The following PID1 variants were observed in gnomAD, a reference collection of about 807,000 sequenced individuals.
PID1 encodes the protein phosphotyrosine interaction domain containing 1.
A neutral mutation model predicts 19.1 loss-of-function variants in PID1; 10 were observed. That is an observed-to-expected ratio of 0.52 (90% CI 0.32 to 0.89). PID1 has a LOEUF of 0.89. Ranked by LOEUF, PID1 falls within the 40% of genes least tolerant of loss-of-function variation. PID1 has a pLI of 0.03. For missense variants in PID1, 248 were observed against 285.3 expected (o/e 0.87, Z 0.94); for synonymous variants, 130 against 116.0 (o/e 1.12, Z -0.78).
rs891344923 is a variant in PID1, at chr2:229,155,766, A to G, written c.177+52T>C. On this transcript the variant is annotated intron_variant, in intron 2 of 2. Transcript: ENST00000392055. ...TGAAACATAGGTCTCAAGCCCACACATCTTTGAGGCTATCTCACCAAGAGA... is the reference window on the plus strand; with the variant it reads ...TGAAACATAGGTCTCAAGCCCACACGTCTTTGAGGCTATCTCACCAAGAGA... 6 of 1,516,794 alleles carry G rather than the reference A, an allele frequency of 4.0e-6. No individual in the cohort carries two copies. The African/African-American group carries it at 8.4e-5, about 21-fold the overall frequency. 94.0% of individuals were successfully genotyped at this position (1,516,794 alleles called of 1,614,324 possible). A position where few individuals can be genotyped will look rare whatever the true frequency, so the allele number is the denominator to read the frequency against.
chr2:229,183,260 G>T (rs1299429491), intron 1 of PID1, among the ~76,000 whole-genome samples: 9 of 152,190 alleles, frequency 5.9e-5, no homozygotes, highest in Non-Finnish European at 1.2e-4. Flanking sequence ...CCAGGGAGAG[G>T]TATGGAACAG....
At chr2:229,067,563 G>A (rs1320812995) in intron 2 of PID1, among the ~76,000 whole-genome samples, 1 of 152,050 alleles carries the variant, frequency 6.6e-6, no homozygotes, top group African/African-American at 2.4e-5. Flanking sequence ...CCCATCCCCT[G>A]GAGGATGGCC....
At chr2:229,177,928 T>C (rs1218805360) in intron 1 of PID1, among the ~76,000 whole-genome samples, 3 of 152,132 alleles carry the variant, frequency 2.0e-5, no homozygotes, top group Non-Finnish European at 2.9e-5. Context: ...CCCACAGGTG[T>C]GCAGCTCAAA....
chr2:229,027,084 G>A (rs1693439505), intron 2 of PID1, among the ~76,000 whole-genome samples: 1 of 152,142 alleles, frequency 6.6e-6, no homozygotes, highest in Admixed American at 6.5e-5. Context: ...AATGCGAGGA[G>A]AGAAAGACCA....
At chr2:229,230,757 C>T (rs1295258579) in intron 1 of PID1, among the ~76,000 whole-genome samples, 4 of 152,056 alleles carry the variant, frequency 2.6e-5, no homozygotes, top group Non-Finnish European at 1.5e-5. Context: ...AAATACAGCA[C>T]ACTATAATTT....
intron 2 of PID1, among the ~76,000 whole-genome samples, chr2:229,034,755 G>GTA (rs143619216): frequency 0.054 from 8,032 of 148,702 alleles, 338 homozygotes; most frequent in African/African-American, 0.12. Context: ...CCTTTATTGT[G>GTA]TATATATATA....
At chr2:229,091,106 T>C (rs1264338391) in intron 2 of PID1, among the ~76,000 whole-genome samples, 1 of 152,210 alleles carries the variant, frequency 6.6e-6, no homozygotes, top group Non-Finnish European at 1.5e-5. Context: ...ATATGCATCC[T>C]ACAAAATAAA....
intron 1 of PID1, among the ~76,000 whole-genome samples, chr2:229,233,786 C>T (rs1692267008): frequency 6.6e-6 from 1 of 152,166 alleles, no homozygotes; most frequent in Non-Finnish European, 1.5e-5. Flanking sequence ...GCCACCACAC[C>T]CAGCCTTGTG....
chr2:229,190,015 C>G (rs1691221668), intron 1 of PID1, among the ~76,000 whole-genome samples: 1 of 152,168 alleles, frequency 6.6e-6, no homozygotes, highest in African/African-American at 2.4e-5. Context: ...ACCTTTCTTA[C>G]ACACTTATCT....
chr2:229,245,396 C>T (rs909471691), intron 1 of PID1, among the ~76,000 whole-genome samples: 25 of 152,090 alleles, frequency 1.6e-4, no homozygotes, highest in African/African-American at 4.6e-4. Flanking sequence ...AAAAAGGCAA[C>T]TTGTATTGCC....
chr2:229,258,235 A>G (rs185289969), intron 1 of PID1, among the ~76,000 whole-genome samples: 1 of 152,340 alleles, frequency 6.6e-6, no homozygotes, highest in African/African-American at 2.4e-5. Flanking sequence ...AATGAGGAAG[A>G]ATCAACAAGG....
At chr2:229,100,188 T>C (rs375508446) in intron 2 of PID1, among the ~76,000 whole-genome samples, 1 of 152,202 alleles carries the variant, frequency 6.6e-6, no homozygotes, top group Non-Finnish European at 1.5e-5. Context: ...CAAATTTCTA[T>C]TGTTTAAGCC....
At chr2:229,133,168 G>T (rs952187643) in intron 2 of PID1, among the ~76,000 whole-genome samples, 2 of 152,160 alleles carry the variant, frequency 1.3e-5, no homozygotes, top group African/African-American at 4.8e-5. Flanking sequence ...GGAGCTGGAT[G>T]GTATGCAATT....
intron 2 of PID1, among the ~76,000 whole-genome samples, chr2:229,100,510 T>A (rs953852064): frequency 1.3e-5 from 2 of 152,116 alleles, no homozygotes; most frequent in East Asian, 3.9e-4. Context: ...AAACTTACAT[T>A]AAAAAATATA....
intron 1 of PID1, among the ~76,000 whole-genome samples, chr2:229,158,736 C>T (rs1690432203): frequency 1.3e-5 from 2 of 152,126 alleles, no homozygotes; most frequent in Non-Finnish European, 2.9e-5. Context: ...TAATGATACA[C>T]ACACACAAGT....
At chr2:229,173,298 C>G (rs930665621) in intron 1 of PID1, among the ~76,000 whole-genome samples, 1 of 152,122 alleles carries the variant, frequency 6.6e-6, no homozygotes, top group Admixed American at 6.5e-5. Context: ...ACCAAAATGC[C>G]AATGGTTTCG....
chr2:229,037,165 C>T lies in PID1; in HGVS notation c.178-11057G>A, dbSNP rs889403149. The stretch of plus-strand genomic sequence containing the variant: ...AAATATTGAGAAAATTTAAAAAATG[C>T]TTAGCACTTTTCCCTAAGTATTTGC... On this transcript the variant is annotated intron_variant, in intron 2 of 2. Coordinates refer to ENST00000392055, the MANE Select transcript of PID1 (RefSeq NM_001100818.2). Among the ~76,000 whole-genome samples the T allele has an allele frequency of 4.6e-5, 7 of 152,050 alleles. 1 individual carries two copies. In the South Asian group the frequency reaches 8.3e-4, roughly 18 times the overall value.
chr2:229,164,857 C>A (rs1022305821), intron 1 of PID1, among the ~76,000 whole-genome samples: 13 of 152,180 alleles, frequency 8.5e-5, no homozygotes, highest in Admixed American at 7.9e-4. Flanking sequence ...GGGGGACAAA[C>A]AAGAGAAGAG....
At chr2:229,246,210 C>T (rs1444284762) in intron 1 of PID1, among the ~76,000 whole-genome samples, 1 of 152,096 alleles carries the variant, frequency 6.6e-6, no homozygotes, top group Non-Finnish European at 1.5e-5. Flanking sequence ...TTCATATTAG[C>T]CAGGGAGCCA....
Sources: gnomAD v4.1 joint callset for allele counts (sites outside exome capture counted in the v4.1 genomes callset) on GRCh38, gnomAD v4.1.1 for gene constraint, MANE v1.5 for transcripts, NCBI Gene and HGNC (gene_info 2026-07-23, HGNC 2026-07-21) for gene names.